Variants in RIPOR2 observed in about 807,000 individuals in gnomAD.
The protein encoded by RIPOR2 is RHO family interacting cell polarization regulator 2.
RIPOR2 carries 39 observed loss-of-function variants against 114.5 expected under a neutral mutation model. The ratio of observed to expected loss-of-function variants is 0.34; its 90% CI spans 0.26 to 0.44. The LOEUF is 0.44. Ranked by LOEUF, RIPOR2 falls within the 20% of genes least tolerant of loss-of-function variation. RIPOR2 has a pLI of 1.00. For synonymous variants in RIPOR2, 445 were observed against 484.4 expected (o/e 0.92, Z 1.07); for missense variants, 1,007 against 1,255.1 (o/e 0.80, Z 2.99).
chr6:24,991,541 C>A (rs1478252016), intron 1 of RIPOR2, among the ~76,000 whole-genome samples: 1 of 152,118 alleles, frequency 6.6e-6, no homozygotes. Context: ...GCTAGGTAAC[C>A]AAGGGACATC....
At chr6:24,938,185 G>A (rs187365306), upstream of RIPOR2, among the ~76,000 whole-genome samples, 255 of 152,280 alleles carry the variant, frequency 1.7e-3, no homozygotes, top group African/African-American at 5.3e-3. Context: ...AATCCAATAT[G>A]ACTAACTTCC....
chr6:24,958,980 C>T (rs1480629337), intron 1 of RIPOR2, among the ~76,000 whole-genome samples: 1 of 71,396 alleles, frequency 1.4e-5, no homozygotes, highest in Non-Finnish European at 2.4e-5. Flanking sequence ...GAGACAGGGT[C>T]TCACCCTGTC....
intron 1 of RIPOR2, among the ~76,000 whole-genome samples, chr6:25,038,073 T>C: frequency 6.6e-6 from 1 of 152,238 alleles, no homozygotes; most frequent in East Asian, 1.9e-4. Context: ...TTAATAATTG[T>C]TAAATTTAGG....
In RIPOR2 at chr6:25,037,779, T is replaced by G. The variant is rs1777312739; in HGVS notation, c.76+4072A>C. Among the ~76,000 whole-genome samples the G allele has an allele frequency of 6.6e-6, 1 of 151,662 alleles. No homozygotes were observed. On this transcript the variant is annotated intron_variant, in intron 1 of 13. Transcript: ENST00000510784. This position sits in a 1 kb window ranked among gnomAD's most constrained non-coding sequence, Gnocchi z 4.5. ...TTGGGATCCATTGCTTTACTATGAG[T>G]TTAATTTTGATGGAACCCAAACGGT...
rs146254613 is a variant in RIPOR2, at chr6:25,024,236, C to T, written c.76+17615G>A. 6.0e-4 allele frequency: 922 copies of T among 1,525,968 alleles called. 15 individuals are homozygous for T. In the East Asian group the frequency reaches 0.02, roughly 34 times the overall value. The allele number at this position is 1,525,968 out of a possible 1,614,324, so 94.5% of individuals were successfully genotyped here. ...TGCCCAGGAGGTAGCGGTCCTCATA[C>T]AGTGTGCTGGACTGGATGGCCGGCC... On this transcript the variant is annotated intron_variant, in intron 1 of 13. Coordinates refer to the RIPOR2 transcript ENST00000510784.
intron 1 of RIPOR2, among the ~76,000 whole-genome samples, chr6:24,996,299 A>C (rs191982928): frequency 1.1e-3 from 164 of 152,316 alleles, no homozygotes; most frequent in African/African-American, 3.8e-3. Context: ...ACAAAAGATC[A>C]AAAAAATTAG....
At chr6:24,932,326 G>C (rs1270525997) in intron 1 of RIPOR2, among the ~76,000 whole-genome samples, 1 of 152,008 alleles carries the variant, frequency 6.6e-6, no homozygotes, top group Non-Finnish European at 1.5e-5. Context: ...GTGTGTGTGT[G>C]TGTGTGTGTG....
chr6:24,973,300 C>G (rs564517135), intron 1 of RIPOR2, among the ~76,000 whole-genome samples: 51 of 152,062 alleles, frequency 3.4e-4, no homozygotes, highest in African/African-American at 1.1e-3. Flanking sequence ...GGTATATATC[C>G]AAAAGAACAT....
intron 1 of RIPOR2, among the ~76,000 whole-genome samples, chr6:24,984,570 C>T (rs564126818): frequency 8.6e-5 from 13 of 151,420 alleles, no homozygotes; most frequent in South Asian, 2.1e-4. Context: ...CGGTGGTGCA[C>T]GCCAGTAGTC....
chr6:25,036,421 T>C (rs1309196545), intron 1 of RIPOR2, among the ~76,000 whole-genome samples: 3 of 152,220 alleles, frequency 2.0e-5, no homozygotes, highest in African/African-American at 7.2e-5. Context: ...GAGACAGCAT[T>C]TGCGCTGTCA....
At chr6:25,022,245 GC>G (rs961200898) in intron 1 of RIPOR2, among the ~76,000 whole-genome samples, 4 of 152,212 alleles carry the variant, frequency 2.6e-5, no homozygotes, top group African/African-American at 9.6e-5. Context: ...TCTCTAACCA[GC>G]CCTTGGCAAC....
At chr6:24,850,492 C>CT in intron 10 of RIPOR2, 105 bp downstream of exon 10, 1 of 1,240,676 alleles carries the variant, frequency 8.1e-7, no homozygotes, top group African/African-American at 1.5e-5. Context: ...GCAGAAAAGT[C>CT]TGTGGGATGG....
intron 1 of RIPOR2, among the ~76,000 whole-genome samples, chr6:24,948,525 CTTTCTTTCTTTTT>C (rs997958033): frequency 9.8e-6 from 1 of 102,254 alleles, no homozygotes; most frequent in Non-Finnish European, 2.4e-5. Flanking sequence ...CTATTTCTTT[CTTTCTTTCTTTTT>C]TTTTTTTTTT....
intron 1 of RIPOR2, among the ~76,000 whole-genome samples, chr6:24,997,261 T>A (rs1360910680): frequency 6.6e-6 from 1 of 152,080 alleles, no homozygotes; most frequent in African/African-American, 2.4e-5. Flanking sequence ...CTAGTTTGAG[T>A]GTTCCTAGGT....
intron 1 of RIPOR2, among the ~76,000 whole-genome samples, chr6:24,901,819 C>G (rs759261333): frequency 2.6e-5 from 4 of 152,202 alleles, no homozygotes; most frequent in Non-Finnish European, 5.9e-5. Context: ...GGAGTCAGAA[C>G]ATCTCAGTGC....
At chr6:24,895,802 A>G (rs995709408) in intron 1 of RIPOR2, among the ~76,000 whole-genome samples, 11 of 152,122 alleles carry the variant, frequency 7.2e-5, no homozygotes, top group African/African-American at 2.4e-4. Flanking sequence ...CATCCTGGCC[A>G]ACACGGTGAA....
At chr6:24,867,276 G>T (rs1398100451) in intron 6 of RIPOR2, among the ~76,000 whole-genome samples, 1 of 152,198 alleles carries the variant, frequency 6.6e-6, no homozygotes, top group Non-Finnish European at 1.5e-5. Context: ...GTTGATGGTT[G>T]GCATAGAGTG....
intron 1 of RIPOR2, chr6:24,977,060 G>A (rs1377721450): frequency 3.0e-5 from 40 of 1,353,222 alleles, no homozygotes; most frequent in Non-Finnish European, 3.8e-5. Context: ...CCATTTGCTT[G>A]CAGTATCCCA....
chr6:24,876,443 A>C (rs930635996), intron 1 of RIPOR2, among the ~76,000 whole-genome samples: 2 of 152,150 alleles, frequency 1.3e-5, no homozygotes, highest in Non-Finnish European at 2.9e-5. Flanking sequence ...ATCTCCATTC[A>C]ACAACAATAA....
Sources: gnomAD v4.1 joint callset for allele counts (sites outside exome capture counted in the v4.1 genomes callset) on GRCh38, gnomAD v4.1.1 for gene constraint, Gnocchi (gnomAD v3.1) non-coding constraint, MANE v1.5 for transcripts, NCBI Gene and HGNC (gene_info 2026-07-23, HGNC 2026-07-21) for gene names.